EXOC6: variants seen among roughly 807,000 people sequenced by gnomAD.
EXOC6 encodes the protein SEC15-like 1.
In EXOC6, 60 loss-of-function variants were observed where a neutral mutation model predicts 112.5. The ratio of observed to expected loss-of-function variants is 0.53; its 90% CI spans 0.43 to 0.66. EXOC6 has a LOEUF of 0.66. EXOC6 is among the 30% of genes least tolerant of loss of function. The pLI is 0.00. For synonymous variants in EXOC6, 295 were observed against 308.0 expected (o/e 0.96, Z 0.44); for missense variants, 855 against 957.1 (o/e 0.89, Z 1.41).
At chr10:92,919,873 G>A (rs1851327855) in intron 7 of EXOC6, 109 bp from the exon 8 acceptor site, 2 of 616,552 alleles carry the variant, frequency 3.2e-6, no homozygotes, top group Non-Finnish European at 5.4e-6. Flanking sequence ...TTGAATAAAT[G>A]TTGTAACACA....
chr10:92,950,891 T>G (rs1238035138), intron 14 of EXOC6, among the ~76,000 whole-genome samples: 1 of 152,134 alleles, frequency 6.6e-6, no homozygotes, highest in Non-Finnish European at 1.5e-5. Context: ...TTTATCTTGA[T>G]GAGAGAAGAG....
At position 93,010,363 on chromosome 10, in the gene EXOC6, T is replaced by C. The variant is rs969813174; in HGVS notation, c.2096-3831T>C. Reference sequence around the variant, plus strand: ...AATGCCAGAAAACCTGAATTAGTTATATAATCCCGGGCAAGTCACTTTCCT... The same window carrying C: ...AATGCCAGAAAACCTGAATTAGTTACATAATCCCGGGCAAGTCACTTTCCT... On this transcript the variant is annotated intron_variant, in intron 19 of 21. Transcript: ENST00000260762. Among the ~76,000 whole-genome samples the C allele has an allele frequency of 3.3e-5, 5 of 152,192 alleles. No homozygotes were observed. In the East Asian group the frequency reaches 7.7e-4, roughly 23 times the overall value.
chr10:92,926,064 A>C (rs776507307), intron 8 of EXOC6, among the ~76,000 whole-genome samples: 2 of 151,714 alleles, frequency 1.3e-5, no homozygotes, highest in Non-Finnish European at 2.9e-5. Flanking sequence ...AAAAAAAAAA[A>C]AAACAAATGC....
intron 20 of EXOC6, among the ~76,000 whole-genome samples, chr10:93,018,323 G>A (rs569117633): frequency 8.0e-4 from 122 of 152,144 alleles, no homozygotes; most frequent in African/African-American, 2.8e-3. Context: ...TGCCTTACTA[G>A]AGGCATAATA....
At chr10:92,966,292 T>TAA (rs1842048359) in intron 17 of EXOC6, among the ~76,000 whole-genome samples, 2 of 147,986 alleles carry the variant, frequency 1.4e-5, no homozygotes, top group African/African-American at 4.9e-5. Context: ...ATTATTATTA[T>TAA]TATTATTATT....
chr10:92,828,148 A>G (rs1846416024), intron 1 of EXOC6, among the ~76,000 whole-genome samples: 1 of 152,206 alleles, frequency 6.6e-6, no homozygotes, highest in Non-Finnish European at 1.5e-5. Context: ...CTACATATAC[A>G]ATCATGTATT....
Position 92,893,507 on chromosome 10 carries a change from C to G in EXOC6, c.260C>G (p.Ala87Gly). ...GAACTCCTTAAAGTAAGGACTGATG[C>G]AGAAAAACTGAAGGTAAGAAATATG... is the stretch of plus-strand genomic sequence containing the variant. Reference protein sequence around the residue: ...ITELLKVRTDAEKLKVQVTDT... With the variant: ...ITELLKVRTDGEKLKVQVTDT... The change falls in exon 2 of 22, where the codon GCA becomes GGA. Residue 87 changes from alanine (A) to glycine (G), a missense_variant. By Grantham distance (60) the Ala-to-Gly change is moderately conservative. Around this residue, in one of 2 missense-constraint regions of EXOC6, gnomAD observed 405 missense variants for 393.6 expected, o/e 1.03. Transcript: ENST00000260762. The G allele has an allele frequency of 6.3e-7, 1 of 1,594,990 alleles. No individual in the cohort carries two copies. Among genetic ancestry groups the G allele is most frequent in the Non-Finnish European group, 8.5e-7 (1 of 1,172,458 alleles).
At chr10:93,047,764 A>C (rs987548944) in intron 20 of EXOC6, among the ~76,000 whole-genome samples, 3 of 151,740 alleles carry the variant, frequency 2.0e-5, no homozygotes, top group African/African-American at 7.3e-5. Flanking sequence ...TGACCAACAG[A>C]GTGAAACCCC....
chr10:93,046,221 AG>A, intron 20 of EXOC6, among the ~76,000 whole-genome samples: 1 of 152,354 alleles, frequency 6.6e-6, no homozygotes, highest in Middle Eastern at 3.4e-3. Flanking sequence ...GCACTTACAA[AG>A]TACATTATTA....
At chr10:92,860,043 A>G (rs1179558548) in intron 1 of EXOC6, among the ~76,000 whole-genome samples, 1 of 152,098 alleles carries the variant, frequency 6.6e-6, no homozygotes, top group Non-Finnish European at 1.5e-5. Flanking sequence ...CAAAAGGAAT[A>G]AGTGACAGAA....
At chr10:92,999,177 A>G in intron 19 of EXOC6, 1 of 362,812 alleles carries the variant, frequency 2.8e-6, no homozygotes, top group Non-Finnish European at 5.2e-6. Context: ...CCTATTTTGT[A>G]TTTACAACAA....
chr10:93,050,852 A>T (rs1056604682), intron 20 of EXOC6, among the ~76,000 whole-genome samples: 3 of 151,132 alleles, frequency 2.0e-5, no homozygotes, highest in African/African-American at 7.3e-5. Flanking sequence ...AGTCTGGGTG[A>T]CAGAGCGAGA....
At chr10:92,875,144 G>C (rs1331065965) in intron 1 of EXOC6, among the ~76,000 whole-genome samples, 1 of 152,130 alleles carries the variant, frequency 6.6e-6, no homozygotes, top group Non-Finnish European at 1.5e-5. Context: ...AAGAATCACT[G>C]TATGGGAATT....
Position 92,874,165 on chromosome 10 carries a change from A to G in EXOC6, c.102-19184A>G, listed in dbSNP as rs944702237. ...CTCAGTTACTCTGTAGCTACAGGCTATAGCATTGGTTTGAATACCAAGCAG... is the reference window on the plus strand; with the variant it reads ...CTCAGTTACTCTGTAGCTACAGGCTGTAGCATTGGTTTGAATACCAAGCAG... On this transcript the variant is annotated intron_variant, in intron 1 of 21. Coordinates refer to ENST00000260762, the MANE Select transcript of EXOC6 (RefSeq NM_019053.6). Among the ~76,000 whole-genome samples the G allele has an allele frequency of 2.6e-5, 4 of 152,302 alleles. No individual in the cohort carries two copies. In the South Asian group the frequency reaches 8.3e-4, roughly 32 times the overall value.
chr10:92,848,720 C>A (rs993385840), intron 1 of EXOC6, 86 bp downstream of exon 1: 511 of 1,103,392 alleles, frequency 4.6e-4, no homozygotes, highest in South Asian at 2.3e-3. Context: ...CGCCGCCGGC[C>A]GCGCGCGAAG....
intron 1 of EXOC6, among the ~76,000 whole-genome samples, chr10:92,838,824 C>T (rs1846742462): frequency 6.6e-6 from 1 of 152,166 alleles, no homozygotes; most frequent in African/African-American, 2.4e-5. Context: ...CCTGTAATCC[C>T]AGCACTTTGG....
intron 18 of EXOC6, among the ~76,000 whole-genome samples, chr10:92,981,891 G>C (rs1291676211): frequency 6.6e-6 from 1 of 152,196 alleles, no homozygotes; most frequent in African/African-American, 2.4e-5. Flanking sequence ...GCCGAGTTGG[G>C]CAGATCATGA....
chr10:92,827,470 T>A (rs1347841705), intron 1 of EXOC6, among the ~76,000 whole-genome samples: 2 of 26,754 alleles, frequency 7.5e-5, no homozygotes, highest in Non-Finnish European at 2.1e-4. Flanking sequence ...TGAGGCCCTG[T>A]TGCCAAAAAA....
At chr10:93,008,057 A>G (rs1356092252) in intron 19 of EXOC6, among the ~76,000 whole-genome samples, 1 of 151,962 alleles carries the variant, frequency 6.6e-6, no homozygotes, top group East Asian at 1.9e-4. Flanking sequence ...CCTGTAATCA[A>G]AGCTACTCAG....
Sources: gnomAD v4.1 joint callset for allele counts (sites outside exome capture counted in the v4.1 genomes callset) on GRCh38, gnomAD v4.1.1 for gene constraint, gnomAD v4.1.1 regional missense constraint, MANE v1.5 for transcripts, NCBI Gene and HGNC (gene_info 2026-07-23, HGNC 2026-07-21) for gene names.